STK32B: variants seen among roughly 807,000 people sequenced by gnomAD.
STK32B encodes the protein serine/threonine kinase 32B.
Under a neutral mutation model 52.6 loss-of-function variants are expected in STK32B, and 43 were observed. The observed-to-expected ratio is 0.82, with a 90% CI of 0.64 to 1.05. The LOEUF (loss-of-function observed/expected upper bound fraction) is 1.05, where lower values mean the gene tolerates loss of function less well. Among genes scored for constraint, STK32B ranks in the 50% least tolerant of loss-of-function variants. The pLI is 0.00. For synonymous variants in STK32B, 238 were observed against 204.3 expected, an observed-to-expected ratio of 1.17 and a Z score of -1.41; for missense variants, 621 against 534.6, an observed-to-expected ratio of 1.16 and a Z score of -1.59.
intron 5 of STK32B, among the ~76,000 whole-genome samples, chr4:5,413,242 A>G (rs1711859613): frequency 6.6e-6 from 1 of 152,176 alleles, no homozygotes; most frequent in South Asian, 2.1e-4. Flanking sequence ...TCTAAGTCAC[A>G]TAGTCAGTAA....
chr4:5,348,895 C>A (rs768817989), intron 4 of STK32B, among the ~76,000 whole-genome samples: 48 of 152,176 alleles, frequency 3.2e-4, no homozygotes, highest in Admixed American at 3.3e-4. Flanking sequence ...CTTAACACTC[C>A]TTCCAGAGTC....
intron 1 of STK32B, among the ~76,000 whole-genome samples, chr4:5,119,152 T>A (rs1335286663): frequency 2.6e-5 from 4 of 152,252 alleles, no homozygotes; most frequent in African/African-American, 9.6e-5. Context: ...GAACGCGGGC[T>A]GCAGGCTCTC....
intron 3 of STK32B, among the ~76,000 whole-genome samples, chr4:5,226,730 C>G (rs1021799351): frequency 1.3e-5 from 2 of 152,082 alleles, no homozygotes; most frequent in African/African-American, 4.8e-5. Flanking sequence ...CAAATATATG[C>G]CAAAGAGAAA....
chr4:5,308,062 C>T (rs572177123), intron 3 of STK32B, among the ~76,000 whole-genome samples: 20 of 152,174 alleles, frequency 1.3e-4, no homozygotes, highest in African/African-American at 2.4e-4. Context: ...TGAGGGTCCT[C>T]GGTTGTATTT....
At chr4:5,444,276 A>C (rs533805060) in intron 6 of STK32B, among the ~76,000 whole-genome samples, 5 of 152,194 alleles carry the variant, frequency 3.3e-5, no homozygotes, top group African/African-American at 4.8e-5. Context: ...AGGACCCTCC[A>C]AGTCAGGTGC....
chr4:5,316,196 G>C (rs186559277), intron 3 of STK32B, among the ~76,000 whole-genome samples: 19 of 68,016 alleles, frequency 2.8e-4, no homozygotes, highest in African/African-American at 1.3e-3. Context: ...TATATATTTA[G>C]ATATATAATA....
intron 11 of STK32B, among the ~76,000 whole-genome samples, chr4:5,495,843 C>G (rs1191683320): frequency 6.6e-6 from 1 of 152,194 alleles, no homozygotes; most frequent in African/African-American, 2.4e-5. Flanking sequence ...GAGGTCCACT[C>G]CAGACCCTGT....
intron 3 of STK32B, among the ~76,000 whole-genome samples, chr4:5,302,994 GTGTT>G (rs568587043): frequency 4.6e-4 from 69 of 151,378 alleles, no homozygotes; most frequent in African/African-American, 1.5e-3. Flanking sequence ...GTGTGTGTGT[GTGTT>G]TGTGTGTGTA....
chr4:5,305,064 TA>T (rs57209776), intron 3 of STK32B, among the ~76,000 whole-genome samples: 8 of 152,134 alleles, frequency 5.3e-5, no homozygotes, highest in African/African-American at 1.9e-4. Flanking sequence ...GATTATTTTT[TA>T]GATATGCTGT....
chr4:5,164,997 C>T (rs543716299), intron 2 of STK32B, among the ~76,000 whole-genome samples: 1 of 152,308 alleles, frequency 6.6e-6, no homozygotes, highest in East Asian at 1.9e-4. Flanking sequence ...TGTGCACAGC[C>T]CCACTCAATC....
intron 3 of STK32B, among the ~76,000 whole-genome samples, chr4:5,205,696 G>GCC (rs1560224859): frequency 9.3e-5 from 6 of 64,498 alleles, no homozygotes; most frequent in African/African-American, 2.0e-4. Context: ...TAGACCAGGC[G>GCC]CGCGCGCGTG....
At chr4:5,148,275 C>T (rs1717075543) in intron 2 of STK32B, among the ~76,000 whole-genome samples, 1 of 151,616 alleles carries the variant, frequency 6.6e-6, no homozygotes, top group South Asian at 2.1e-4. Flanking sequence ...AGCAGTTTGC[C>T]TTCTTTCTCT....
intron 3 of STK32B, among the ~76,000 whole-genome samples, chr4:5,248,317 G>C (rs1725611803): frequency 6.6e-6 from 1 of 152,162 alleles, no homozygotes; most frequent in Admixed American, 6.5e-5. Flanking sequence ...TAGGCTTTCA[G>C]CTTTAGTAAT....
chr4:5,189,747 T>C (rs1721033671), intron 3 of STK32B, among the ~76,000 whole-genome samples: 1 of 152,160 alleles, frequency 6.6e-6, no homozygotes, highest in Non-Finnish European at 1.5e-5. Flanking sequence ...TTTTCCAAAA[T>C]GGCTGTGCCA....
intron 3 of STK32B, among the ~76,000 whole-genome samples, chr4:5,330,529 G>T (rs1732163830): frequency 6.6e-6 from 1 of 152,096 alleles, no homozygotes; most frequent in African/African-American, 2.4e-5. Flanking sequence ...GGCTCAGCTG[G>T]GCTGTTCTTC....
chr4:5,330,833 G>A (rs1318906695), intron 3 of STK32B, among the ~76,000 whole-genome samples: 1 of 152,218 alleles, frequency 6.6e-6, no homozygotes, highest in East Asian at 1.9e-4. Flanking sequence ...TGGAGGGAAT[G>A]TTTGGGAGGG....
chr4:5,173,500 T>G (rs201185871), intron 3 of STK32B, among the ~76,000 whole-genome samples: 1 of 152,170 alleles, frequency 6.6e-6, no homozygotes, highest in Non-Finnish European at 1.5e-5. Context: ...TCTGGTATGT[T>G]GTGTCTTTGT....
chr4:5,029,603 C>T, the STK32B span, among the ~76,000 whole-genome samples: 1 of 152,192 alleles, frequency 6.6e-6, no homozygotes, highest in Non-Finnish European at 1.5e-5. Context: ...GTTAACAACC[C>T]ATACAGCCTG....
chr4:5,022,604 A>G, the STK32B span, among the ~76,000 whole-genome samples: 1 of 152,210 alleles, frequency 6.6e-6, no homozygotes, highest in Non-Finnish European at 1.5e-5. Context: ...TGTCTCCGCC[A>G]AAAGGTCTCT....
Sources: allele counts gnomAD v4.1 joint callset (sites outside exome capture counted in the v4.1 genomes callset), GRCh38; gene constraint gnomAD v4.1.1; transcripts MANE v1.5; gene names NCBI Gene and HGNC (gene_info 2026-07-23, HGNC 2026-07-21).